Variants in ACAP2 observed in about 807,000 individuals in gnomAD.
ACAP2 encodes the protein ArfGAP with coiled-coil, ankyrin repeat and PH domains 2.
Under a neutral mutation model 115.8 loss-of-function variants are expected in ACAP2, and 39 were observed. That is an observed-to-expected ratio of 0.34 (90% CI 0.26 to 0.44). The LOEUF is 0.44. Ranked by LOEUF, ACAP2 falls within the 20% of genes least tolerant of loss-of-function variation. The probability of loss-of-function intolerance (pLI) is 1.00; values close to 1 mark genes in which losing one functional copy is unlikely to be tolerated. For missense variants in ACAP2, 662 were observed against 927.6 expected, an observed-to-expected ratio of 0.71 and a Z score of 3.72; for synonymous variants, 289 against 315.8, an observed-to-expected ratio of 0.92 and a Z score of 0.90.
intron 1 of ACAP2, among the ~76,000 whole-genome samples, chr3:195,393,177 A>T (rs1711505765): frequency 6.6e-6 from 1 of 152,178 alleles, no homozygotes; most frequent in African/African-American, 2.4e-5. Context: ...CTCTACAAAA[A>T]ATAAAAAGAT....
intron 15 of ACAP2, among the ~76,000 whole-genome samples, chr3:195,299,610 G>A (rs550595149): frequency 3.3e-4 from 50 of 151,608 alleles, no homozygotes; most frequent in Non-Finnish European, 5.7e-4. Flanking sequence ...AGGCCAAGGC[G>A]GGTGGATCAC....
rs1726214592 is a variant in ACAP2 at position 195,277,211 on chromosome 3, T to G, written c.*2117A>C. On this transcript the variant is annotated 3_prime_UTR_variant, in exon 23 of 23. Coordinates refer to ENST00000326793, the MANE Select transcript of ACAP2 (RefSeq NM_012287.6). ...TAGGAATTAAAACAGGAAGGGACAC[T>G]ATAAAGGAAAAGTGAGGTTTTTTCT... 1 of 152,244 alleles carries G rather than the reference T, an allele frequency of 6.6e-6. No homozygotes were observed. Among genetic ancestry groups the G allele is most frequent in the Admixed American group, 6.5e-5 (1 of 15,286 alleles). 9.4% of individuals were successfully genotyped at this position (152,244 alleles called of 1,614,324 possible). A position where few individuals can be genotyped will look rare whatever the true frequency, so the allele number is the denominator to read the frequency against.
At chr3:195,417,081 T>G (rs2108824023) in intron 1 of ACAP2, among the ~76,000 whole-genome samples, 1 of 143,852 alleles carries the variant, frequency 7.0e-6, no homozygotes, top group South Asian at 2.3e-4. Flanking sequence ...CTGGCTAATT[T>G]TTTTTTTTTT....
At chr3:195,398,943 C>A (rs1712036116) in intron 1 of ACAP2, among the ~76,000 whole-genome samples, 1 of 152,156 alleles carries the variant, frequency 6.6e-6, no homozygotes, top group African/African-American at 2.4e-5. Context: ...CACCAGACCT[C>A]AGCTCTCTCA....
At position 195,279,736 on chromosome 3, in the gene ACAP2, A is replaced by G. The variant is rs145988245; in HGVS notation, c.2237-308T>C. 252 of 176,492 alleles carry G rather than the reference A, an allele frequency of 1.4e-3. 1 individual carries two copies. The highest frequency in any genetic ancestry group is 5.3e-3 in the African/African-American group (225 of 42,412). 10.9% of individuals were successfully genotyped at this position (176,492 alleles called of 1,614,324 possible). On this transcript the variant is annotated intron_variant, in intron 22 of 22. Coordinates refer to ENST00000326793, the MANE Select transcript of ACAP2 (RefSeq NM_012287.6). ...ATACGTTTATTAACACACGGGGGGGAAAAGTCATTCTAAATGAGGTGGAGT... is the reference window on the plus strand; with the variant it reads ...ATACGTTTATTAACACACGGGGGGGGAAAGTCATTCTAAATGAGGTGGAGT...
chr3:195,420,733 C>T (rs958483245), intron 1 of ACAP2, among the ~76,000 whole-genome samples: 1 of 151,952 alleles, frequency 6.6e-6, no homozygotes, highest in Admixed American at 6.6e-5. Context: ...ACCTCCAGCT[C>T]CCAGGTTCAA....
chr3:195,407,056 C>T (rs1712834261), intron 1 of ACAP2, among the ~76,000 whole-genome samples: 1 of 151,492 alleles, frequency 6.6e-6, no homozygotes, highest in Non-Finnish European at 1.5e-5. Context: ...GGAAGGAAGG[C>T]AGACAGGCAA....
chr3:195,392,125 C>T lies in ACAP2; in HGVS notation c.76G>A (p.Gly26Ser), dbSNP rs1290455312. ...TTTAGTTCCAATTCTGCCACATCAC[C>T]TTCTACTTCTTCCAAAGCTGCCCTA... Reference protein sequence around the residue: ...RFRAALEEVEGDVAELELKLD... With the variant: ...RFRAALEEVESDVAELELKLD... The change falls in exon 2 of 23, where the codon GGT becomes AGT. Residue 26 changes from glycine to serine, a missense_variant. Physicochemically the swap from Gly to Ser is moderately conservative, Grantham distance 56. This residue lies in a region of ACAP2 where 401 missense variants were observed against 604.4 expected (regional missense o/e 0.66). Coordinates refer to ENST00000326793, the MANE Select transcript of ACAP2 (RefSeq NM_012287.6). The T allele has an allele frequency of 6.2e-7, 1 of 1,612,850 alleles. No homozygotes were observed. Among genetic ancestry groups the T allele is most frequent in the Admixed American group, 1.7e-5 (1 of 59,866 alleles).
rs754519501 is a variant in ACAP2 at position 195,382,036 on chromosome 3, A to G, written c.112-14T>C. 5.2e-5 allele frequency: 84 copies of G among 1,601,180 alleles called. No individual in the cohort carries two copies. Among genetic ancestry groups the G allele is most frequent in the Non-Finnish European group, 6.8e-5 (80 of 1,176,022 alleles). The stretch of plus-strand genomic sequence containing the variant: ...AAGTTTCACAAGCTGAAAAAGAAAA[A>G]AAAAATTCATCAGGTTGAAGATAGT... On this transcript the variant is annotated splice_polypyrimidine_tract_variant and intron_variant, in intron 2 of 22. Transcript: ENST00000326793.
Position 195,301,962 on chromosome 3 carries a change from C to G in ACAP2, c.1325+4G>C, listed in dbSNP as rs1431978287. The G allele has an allele frequency of 7.4e-6, 12 of 1,611,836 alleles. No individual in the cohort carries two copies. Among genetic ancestry groups the G allele is most frequent in the Non-Finnish European group, 1.0e-5 (12 of 1,179,358 alleles). On this transcript the variant is annotated splice_donor_region_variant and intron_variant, in intron 14 of 22. Transcript: ENST00000326793. The stretch of plus-strand genomic sequence containing the variant: ...AAATTCTCATCCTGGGCAGGCCTAC[C>G]CACCGGTGAATTCCGGAGCACTCGA...
chr3:195,417,757 G>A (rs1713858367), intron 1 of ACAP2, among the ~76,000 whole-genome samples: 1 of 152,042 alleles, frequency 6.6e-6, no homozygotes. Context: ...AGGCCAGCCT[G>A]GGCAACATAC....
chr3:195,311,828 C>T (rs576569233), intron 10 of ACAP2, among the ~76,000 whole-genome samples: 17 of 152,238 alleles, frequency 1.1e-4, no homozygotes, highest in Middle Eastern at 3.4e-3. Context: ...TGAGCCACCG[C>T]GCCCTGCCAA....
At chr3:195,429,222 C>A (rs1203105396) in intron 1 of ACAP2, among the ~76,000 whole-genome samples, 1 of 151,674 alleles carries the variant, frequency 6.6e-6, no homozygotes, top group Non-Finnish European at 1.5e-5. Flanking sequence ...ACCCCATCTC[C>A]GCTAAATATA....
At chr3:195,311,341 C>G (rs1728755197) in intron 10 of ACAP2, among the ~76,000 whole-genome samples, 1 of 152,092 alleles carries the variant, frequency 6.6e-6, no homozygotes, top group Admixed American at 6.5e-5. Context: ...AAGCGATCCA[C>G]CCACCTTGGC....
chr3:195,310,482 G>A (rs1329966782), intron 10 of ACAP2, among the ~76,000 whole-genome samples: 2 of 152,238 alleles, frequency 1.3e-5, no homozygotes, highest in African/African-American at 4.8e-5. Context: ...CTCTGATACT[G>A]ATGAAAGCGT....
chr3:195,351,878 C>G (rs879891494), intron 4 of ACAP2, among the ~76,000 whole-genome samples: 2 of 152,126 alleles, frequency 1.3e-5, no homozygotes, highest in Non-Finnish European at 2.9e-5. Flanking sequence ...CAAATTAAAA[C>G]CATAAACAAT....
chr3:195,279,654 G>GA (rs1726359330), intron 22 of ACAP2: 1 of 339,070 alleles, frequency 2.9e-6, no homozygotes. Context: ...AGCCACAGAA[G>GA]AAAGCTCAGA....
intron 1 of ACAP2, among the ~76,000 whole-genome samples, chr3:195,396,587 A>G (rs1711792746): frequency 2.0e-5 from 3 of 152,064 alleles, no homozygotes; most frequent in Admixed American, 2.0e-4. Context: ...CAGGAGTTCA[A>G]TACCAGCCTG....
At chr3:195,320,667 G>GTA (rs767111348) in intron 10 of ACAP2, 34 bp downstream of exon 10, 11 of 1,450,450 alleles carry the variant, frequency 7.6e-6, no homozygotes, top group Non-Finnish European at 1.1e-5. Flanking sequence ...TCAAAACTAT[G>GTA]TATAGATCAA....
Sources: gnomAD v4.1 joint callset for allele counts (sites outside exome capture counted in the v4.1 genomes callset) on GRCh38, gnomAD v4.1.1 for gene constraint, gnomAD v4.1.1 regional missense constraint, MANE v1.5 for transcripts, NCBI Gene and HGNC (gene_info 2026-07-23, HGNC 2026-07-21) for gene names.